ALG6: variants seen among roughly 807,000 people sequenced by gnomAD.
The protein encoded by ALG6 is ALG6 alpha-1,3-glucosyltransferase.
A neutral mutation model predicts 66.6 loss-of-function variants in ALG6; 46 were observed. That is an observed-to-expected ratio of 0.69 (90% confidence interval 0.55 to 0.88). The LOEUF is 0.88. Among genes scored for constraint, ALG6 ranks in the 40% least tolerant of loss-of-function variants. The probability of loss-of-function intolerance (pLI) is 0.00; values close to 1 mark genes in which losing one functional copy is unlikely to be tolerated. For missense variants in ALG6, 505 were observed against 586.8 expected, an observed-to-expected ratio of 0.86 and a Z score of 1.44; for synonymous variants, 185 against 203.7, an observed-to-expected ratio of 0.91 and a Z score of 0.78.
chr1:63,395,155 C>G (rs1422657535), intron 2 of ALG6, among the ~76,000 whole-genome samples: 1 of 152,082 alleles, frequency 6.6e-6, no homozygotes, highest in African/African-American at 2.4e-5. Context: ...TGAGCCTCCG[C>G]GCCTGGCCAG....
chr1:63,395,560 T>C (rs1648796116), intron 2 of ALG6, among the ~76,000 whole-genome samples: 3 of 152,120 alleles, frequency 2.0e-5, no homozygotes, highest in Admixed American at 2.0e-4. Context: ...GCAGTTATGG[T>C]GGCACACGCC....
chr1:63,392,914 C>G (rs1255007944), intron 2 of ALG6, among the ~76,000 whole-genome samples: 2 of 152,168 alleles, frequency 1.3e-5, no homozygotes, highest in East Asian at 1.9e-4. Context: ...GTAGGTCAGA[C>G]TCTGGATAGG....
At chr1:63,417,666 G>A (rs1440706824) in intron 11 of ALG6, among the ~76,000 whole-genome samples, 1 of 152,102 alleles carries the variant, frequency 6.6e-6, no homozygotes, top group Non-Finnish European at 1.5e-5. Context: ...TAATTTTTCA[G>A]GTATTGAGTG....
intron 2 of ALG6, among the ~76,000 whole-genome samples, chr1:63,390,451 C>G (rs187885838): frequency 6.6e-6 from 1 of 152,192 alleles, no homozygotes; most frequent in East Asian, 1.9e-4. Flanking sequence ...ATCCTTAAGC[C>G]ATACTGCCTG....
intron 6 of ALG6, 93 bp from the exon 7 acceptor site, chr1:63,406,969 C>T: frequency 2.2e-6 from 2 of 898,472 alleles, no homozygotes; most frequent in South Asian, 1.4e-5. Flanking sequence ...AAAAGGGGAA[C>T]ATTTGCTAAT....
intron 1 of ALG6, among the ~76,000 whole-genome samples, chr1:63,370,026 C>T (rs540957633): frequency 1.4e-4 from 21 of 152,192 alleles, no homozygotes; most frequent in African/African-American, 4.8e-4. Context: ...CCATGTTGGT[C>T]AGGCTGGTCT....
intron 2 of ALG6, among the ~76,000 whole-genome samples, chr1:63,375,424 TTTTTTTTTTTTTTC>T (rs796965826): frequency 0.011 from 1,573 of 147,590 alleles, 29 homozygotes; most frequent in African/African-American, 0.038. Flanking sequence ...TTTTTTTTTT[TTTTTTTTTTTTTTC>T]CAGTAGAGAC....
At chr1:63,398,422 C>G (rs1644422413) in intron 3 of ALG6, among the ~76,000 whole-genome samples, 1 of 152,186 alleles carries the variant, frequency 6.6e-6, no homozygotes, top group South Asian at 2.1e-4. Flanking sequence ...TTAAAATTGG[C>G]ACTTCCTTGA....
At chr1:63,410,251 A>G (rs1644509733) in intron 7 of ALG6, among the ~76,000 whole-genome samples, 1 of 151,980 alleles carries the variant, frequency 6.6e-6, no homozygotes, top group Non-Finnish European at 1.5e-5. Context: ...ATGGCTGTGA[A>G]TTTATACTTT....
rs548630107 is a variant in ALG6, at chr1:63,372,265, CTT to C, written c.82+1207_82+1208del. On this transcript the variant is annotated intron_variant, in intron 2 of 14. Transcript: ENST00000263440. ...AAATTATTTCGTTGTAGAAAAATAA[CTT>C]ATGTTAGTGAAAAAGGGTCATAGGA... Among the ~76,000 whole-genome samples the C allele has an allele frequency of 5.3e-5, 8 of 151,912 alleles. No individual in the cohort carries two copies. In the East Asian group the frequency reaches 1.6e-3, roughly 29 times the overall value.
intron 10 of ALG6, among the ~76,000 whole-genome samples, chr1:63,415,469 CTT>C (rs1407761884): frequency 6.6e-6 from 1 of 152,092 alleles, no homozygotes; most frequent in Non-Finnish European, 1.5e-5. Context: ...TAGAGAGACT[CTT>C]TTGTGAGTAA....
chr1:63,395,159 TG>T (rs1648783440), intron 2 of ALG6, among the ~76,000 whole-genome samples: 1 of 151,942 alleles, frequency 6.6e-6, no homozygotes, highest in Non-Finnish European at 1.5e-5. Flanking sequence ...CCTCCGCGCC[TG>T]GCCAGATAAT....
chr1:63,394,650 G>C (rs1398676989), intron 2 of ALG6, among the ~76,000 whole-genome samples: 1 of 152,072 alleles, frequency 6.6e-6, no homozygotes, highest in Non-Finnish European at 1.5e-5. Context: ...TTACAGGCGT[G>C]AGCCACCACG....
intron 11 of ALG6, among the ~76,000 whole-genome samples, chr1:63,416,547 A>G (rs181079022): frequency 1.5e-4 from 23 of 152,294 alleles, no homozygotes; most frequent in African/African-American, 5.3e-4. Flanking sequence ...GAGAGGATAT[A>G]GTGAAAGATA....
At chr1:63,392,918 G>A (rs1648713035) in intron 2 of ALG6, among the ~76,000 whole-genome samples, 1 of 152,136 alleles carries the variant, frequency 6.6e-6, no homozygotes, top group African/African-American at 2.4e-5. Context: ...GTCAGACTCT[G>A]GATAGGAACT....
At position 63,370,981 on chromosome 1, in the gene ALG6, G is replaced by A. The variant is rs140944848; in HGVS notation, c.4G>A (p.Glu2Lys). M[E>K]KWYLMTVVVL... is the part of the protein sequence containing the mutation. ...CCCTCCCTAAATTTGAAGAACTATG[G>A]AGAAATGGTACTTGATGACAGTAGT... The change falls in exon 2 of 15, where the codon GAG (glutamate) becomes AAG (lysine). Residue 2 changes from glutamate (E) to lysine (K), a missense_variant. By Grantham distance (56) the Glu-to-Lys change is moderately conservative (BLOSUM62 1). Coordinates refer to ENST00000263440, the MANE Select transcript of ALG6 (RefSeq NM_013339.4). 5 of 1,604,238 alleles carry A rather than the reference G, an allele frequency of 3.1e-6. No individual in the cohort carries two copies. The African/African-American group carries it at 6.7e-5, about 21-fold the overall frequency.
intron 2 of ALG6, among the ~76,000 whole-genome samples, chr1:63,381,742 A>G (rs1445092984): frequency 6.6e-6 from 1 of 152,232 alleles, no homozygotes; most frequent in African/African-American, 2.4e-5. Flanking sequence ...CATTTTTAGC[A>G]TTCACGTGTG....
At chr1:63,391,740 T>C (rs1331255603) in intron 2 of ALG6, among the ~76,000 whole-genome samples, 2 of 152,262 alleles carry the variant, frequency 1.3e-5, no homozygotes, top group African/African-American at 4.8e-5. Flanking sequence ...AAATGGCTTA[T>C]GTATATTATT....
intron 2 of ALG6, among the ~76,000 whole-genome samples, chr1:63,385,016 A>G (rs1369884593): frequency 6.6e-6 from 1 of 152,030 alleles, no homozygotes; most frequent in Non-Finnish European, 1.5e-5. Flanking sequence ...TGTGAGGAAT[A>G]TCATTGGTAG....
Sources: allele counts gnomAD v4.1 joint callset (sites outside exome capture counted in the v4.1 genomes callset), GRCh38; gene constraint gnomAD v4.1.1; transcripts MANE v1.5; gene names NCBI Gene and HGNC (gene_info 2026-07-23, HGNC 2026-07-21).